The following RUNDC3B variants were observed in gnomAD, a reference collection of about 807,000 sequenced individuals.
RUNDC3B encodes the protein RUN domain-containing protein 3B.
Under a neutral mutation model 58.4 loss-of-function variants are expected in RUNDC3B, and 33 were observed. That is an observed-to-expected ratio of 0.56 (90% CI 0.43 to 0.75). The LOEUF is 0.75. Ranked by LOEUF, RUNDC3B falls within the 30% of genes least tolerant of loss-of-function variation. The pLI, the probability that RUNDC3B is intolerant of heterozygous loss-of-function variation, is 0.00. For missense variants in RUNDC3B, 501 were observed against 535.7 expected (o/e 0.94, Z 0.64); for synonymous variants, 193 against 195.2 (o/e 0.99, Z 0.10).
At chr7:87,786,417 CT>C (rs918509508) in intron 8 of RUNDC3B, among the ~76,000 whole-genome samples, 14 of 149,078 alleles carry the variant, frequency 9.4e-5, no homozygotes, top group East Asian at 3.9e-4. Flanking sequence ...ATTTTTTCTT[CT>C]TTTTTTTTAA....
chr7:87,648,410 G>T (rs181765640), intron 1 of RUNDC3B, among the ~76,000 whole-genome samples: 1 of 151,956 alleles, frequency 6.6e-6, no homozygotes, highest in Non-Finnish European at 1.5e-5. Flanking sequence ...ATGTCCCAGA[G>T]GAAGTGACAC....
intron 3 of RUNDC3B, among the ~76,000 whole-genome samples, chr7:87,701,137 A>G (rs573742571): frequency 6.6e-5 from 10 of 152,254 alleles, no homozygotes; most frequent in African/African-American, 2.4e-4. Context: ...TGCTTCAAGA[A>G]AAACACTTGT....
At chr7:87,806,152 C>T (rs1043469394) in intron 8 of RUNDC3B, among the ~76,000 whole-genome samples, 1 of 152,136 alleles carries the variant, frequency 6.6e-6, no homozygotes, top group African/African-American at 2.4e-5. Context: ...CTAGTGTTTA[C>T]ATCAGATAAT....
chr7:87,678,594 C>A (rs28746485), intron 2 of RUNDC3B, among the ~76,000 whole-genome samples: 4,749 of 151,940 alleles, frequency 0.031, 73 homozygotes, highest in Middle Eastern at 0.048. Flanking sequence ...CTAAATCAAA[C>A]CTTATTAATA....
chr7:87,752,066 T>G (rs944644051), intron 6 of RUNDC3B, among the ~76,000 whole-genome samples: 4 of 152,242 alleles, frequency 2.6e-5, no homozygotes, highest in African/African-American at 7.2e-5. Context: ...CCTAATTTAT[T>G]GAGAGTTTTT....
At chr7:87,702,142 CAAAAAAA>C (rs146127516) in intron 3 of RUNDC3B, among the ~76,000 whole-genome samples, 4 of 16,772 alleles carry the variant, frequency 2.4e-4, no homozygotes, top group East Asian at 5.3e-3. Flanking sequence ...GACTCTGTCT[CAAAAAAA>C]AAAAAAAAAA....
chr7:87,722,329 T>G (rs1357000773), intron 4 of RUNDC3B, among the ~76,000 whole-genome samples: 4 of 152,126 alleles, frequency 2.6e-5, no homozygotes, highest in Non-Finnish European at 5.9e-5. Context: ...ACTGAAATTT[T>G]GTACCTTTGA....
At chr7:87,769,260 C>T (rs1458170596) in intron 6 of RUNDC3B, among the ~76,000 whole-genome samples, 1 of 152,088 alleles carries the variant, frequency 6.6e-6, no homozygotes, top group Non-Finnish European at 1.5e-5. Context: ...ATCCGCCCAC[C>T]TTGGCCTCCC....
At chr7:87,758,793 AG>A (rs1180371638) in intron 6 of RUNDC3B, among the ~76,000 whole-genome samples, 15 of 152,334 alleles carry the variant, frequency 9.8e-5, no homozygotes, top group African/African-American at 3.4e-4. Flanking sequence ...ATCTCACTCT[AG>A]TTAAAATGTC....
At chr7:87,646,945 G>T (rs1029749957) in intron 1 of RUNDC3B, among the ~76,000 whole-genome samples, 15 of 152,060 alleles carry the variant, frequency 9.9e-5, no homozygotes, top group Non-Finnish European at 1.5e-4. Flanking sequence ...GTTATTTCCC[G>T]TTATTGCATG....
chr7:87,630,547 A>G (rs993939289), intron 1 of RUNDC3B, among the ~76,000 whole-genome samples: 1 of 152,202 alleles, frequency 6.6e-6, no homozygotes, highest in Non-Finnish European at 1.5e-5. Context: ...ACCATAATAT[A>G]CAGACATCAA....
intron 2 of RUNDC3B, chr7:87,694,068 G>A: frequency 6.6e-7 from 1 of 1,521,090 alleles, no homozygotes; most frequent in East Asian, 2.5e-5. Context: ...CATTGCATGG[G>A]TTTTGTAAAG....
chr7:87,757,745 A>G lies in RUNDC3B; in HGVS notation c.630-12836A>G, dbSNP rs1246959425. ...AAAGAAACAAAACTGGAAGAATCAA[A>G]TCACCTGCAAATACTATAGAGCTAT... On this transcript the variant is annotated intron_variant, in intron 6 of 10. Transcript: ENST00000394654. 2.6e-5 allele frequency among the ~76,000 whole-genome samples: 4 copies of G among 152,274 alleles called. 1 individual carries two copies. Among genetic ancestry groups the G allele is most frequent in the Admixed American group, 2.6e-4 (4 of 15,276 alleles).
At chr7:87,712,912 T>C (rs2130750384) in intron 4 of RUNDC3B, among the ~76,000 whole-genome samples, 1 of 152,256 alleles carries the variant, frequency 6.6e-6, no homozygotes, top group East Asian at 1.9e-4. Flanking sequence ...TATAATGGCT[T>C]TGGAACTCTT....
At chr7:87,666,321 C>T (rs1825245039) in intron 2 of RUNDC3B, among the ~76,000 whole-genome samples, 1 of 152,064 alleles carries the variant, frequency 6.6e-6, no homozygotes, top group East Asian at 1.9e-4. Flanking sequence ...CTTTTGCCCA[C>T]ATTTTTATGG....
At chr7:87,824,563 G>GA (rs1837693539) in intron 10 of RUNDC3B, among the ~76,000 whole-genome samples, 1 of 152,136 alleles carries the variant, frequency 6.6e-6, no homozygotes, top group South Asian at 2.1e-4. Context: ...GGGCACTGCT[G>GA]AAAAGATACC....
At chr7:87,671,436 G>T (rs1041376606) in intron 2 of RUNDC3B, among the ~76,000 whole-genome samples, 1 of 152,178 alleles carries the variant, frequency 6.6e-6, no homozygotes, top group Non-Finnish European at 1.5e-5. Flanking sequence ...CTGGTGAGGA[G>T]ATCTGAGAAT....
intron 2 of RUNDC3B, among the ~76,000 whole-genome samples, chr7:87,699,613 C>G (rs1300418732): frequency 6.6e-6 from 1 of 152,218 alleles, no homozygotes; most frequent in African/African-American, 2.4e-5. Flanking sequence ...ACCATGTTGG[C>G]CAGGCTGGCC....
chr7:87,782,496 C>A (rs1295969573), intron 8 of RUNDC3B, among the ~76,000 whole-genome samples: 1 of 151,682 alleles, frequency 6.6e-6, no homozygotes, highest in East Asian at 1.9e-4. Flanking sequence ...TCAGTTATTT[C>A]TTTTCTTCTT....
Sources: allele counts gnomAD v4.1 joint callset (sites outside exome capture counted in the v4.1 genomes callset), GRCh38; gene constraint gnomAD v4.1.1; transcripts MANE v1.5; gene names NCBI Gene and HGNC (gene_info 2026-07-23, HGNC 2026-07-21).